Variants in NCKAP5 observed in about 807,000 individuals in gnomAD.
NCKAP5 encodes nck-associated protein 5.
A neutral mutation model predicts 167.0 loss-of-function variants in NCKAP5; 92 were observed. The observed-to-expected ratio is 0.55, with a 90% CI of 0.47 to 0.66. NCKAP5 has a LOEUF of 0.66. NCKAP5 is among the 30% of genes least tolerant of loss of function. The probability of loss-of-function intolerance (pLI) is 0.00; values close to 1 mark genes in which losing one functional copy is unlikely to be tolerated. For missense variants in NCKAP5, 2,378 were observed against 2,315.0 expected, an observed-to-expected ratio of 1.03 and a Z score of -0.56; for synonymous variants, 891 against 877.4, an observed-to-expected ratio of 1.02 and a Z score of -0.27.
At chr2:133,423,015 C>A (rs553111909) in intron 3 of NCKAP5, among the ~76,000 whole-genome samples, 2 of 152,100 alleles carry the variant, frequency 1.3e-5, no homozygotes, top group African/African-American at 4.8e-5. Flanking sequence ...CAAAACACAG[C>A]CTGGGGATCT....
chr2:133,562,893 T>C (rs1688268882), intron 1 of NCKAP5, among the ~76,000 whole-genome samples: 1 of 152,240 alleles, frequency 6.6e-6, no homozygotes, highest in South Asian at 2.1e-4. Context: ...TAATGTTCTA[T>C]GTATCTGAGA....
chr2:133,308,935 C>A (rs1265028824), intron 3 of NCKAP5, among the ~76,000 whole-genome samples: 1 of 150,974 alleles, frequency 6.6e-6, no homozygotes, highest in Admixed American at 6.6e-5. Context: ...TGGTCTCGAT[C>A]TCCTGACCTC....
chr2:132,972,768 C>T (rs1225481473), intron 7 of NCKAP5, among the ~76,000 whole-genome samples: 1 of 150,768 alleles, frequency 6.6e-6, no homozygotes, highest in Non-Finnish European at 1.5e-5. Flanking sequence ...GAGGCTGAGG[C>T]AGGAGAATCA....
rs186373998 is a variant in NCKAP5 at position 132,981,582 on chromosome 2, C to G, written c.429+12570G>C. Among the ~76,000 whole-genome samples the G allele has an allele frequency of 2.6e-4, 40 of 152,274 alleles. No individual in the cohort carries two copies. The East Asian group carries it at 3.1e-3, about 12-fold the overall frequency. On this transcript the variant is annotated intron_variant, in intron 7 of 19. Transcript: ENST00000409261. ...CTTTCCCCCGGTTCACCCAGGGAACCATTAGGAATTAGTCTATTGAATAAG... is the reference window on the plus strand; with the variant it reads ...CTTTCCCCCGGTTCACCCAGGGAACGATTAGGAATTAGTCTATTGAATAAG...
At chr2:133,448,355 C>G (rs933913602) in intron 3 of NCKAP5, among the ~76,000 whole-genome samples, 2 of 152,072 alleles carry the variant, frequency 1.3e-5, no homozygotes, top group African/African-American at 4.8e-5. Context: ...CATGAGGAAG[C>G]TCATGTATTT....
At chr2:133,555,304 C>T (rs1049913397) in intron 2 of NCKAP5, among the ~76,000 whole-genome samples, 23 of 152,212 alleles carry the variant, frequency 1.5e-4, no homozygotes, top group Non-Finnish European at 7.3e-5. Context: ...AGAGTCAGCA[C>T]TGTCTGTGTA....
At chr2:133,196,658 AT>A (rs2085450886) in intron 5 of NCKAP5, among the ~76,000 whole-genome samples, 1 of 152,084 alleles carries the variant, frequency 6.6e-6, no homozygotes, top group African/African-American at 2.4e-5. Flanking sequence ...TGAGCCTACC[AT>A]TTTTCACCGC....
chr2:133,547,617 C>G (rs927908926), intron 2 of NCKAP5, among the ~76,000 whole-genome samples: 61 of 151,568 alleles, frequency 4.0e-4, no homozygotes, highest in Admixed American at 3.1e-3. Context: ...AGCAGGGGCA[C>G]ACTGACACCT....
At chr2:133,235,514 T>A (rs1283553980) in intron 4 of NCKAP5, among the ~76,000 whole-genome samples, 5 of 151,720 alleles carry the variant, frequency 3.3e-5, no homozygotes, top group African/African-American at 1.2e-4. Context: ...AGGCGGTGGA[T>A]CGCTTTGAGC....
intron 3 of NCKAP5, among the ~76,000 whole-genome samples, chr2:133,334,150 C>G (rs1209159512): frequency 6.6e-6 from 1 of 152,156 alleles, no homozygotes; most frequent in Admixed American, 6.5e-5. Context: ...CAAAGCCTGG[C>G]TCTGTGACTT....
the NCKAP5 span, among the ~76,000 whole-genome samples, chr2:133,624,021 T>A: frequency 6.6e-6 from 1 of 152,154 alleles, no homozygotes; most frequent in African/African-American, 2.4e-5. Flanking sequence ...ACCATTAAAG[T>A]AACTCAGAAG....
At position 133,563,711 on chromosome 2, in the gene NCKAP5, T is replaced by C. The variant is rs561265409; in HGVS notation, c.-130+4505A>G. On this transcript the variant is annotated intron_variant, in intron 1 of 19. Coordinates refer to ENST00000409261, the MANE Select transcript of NCKAP5 (RefSeq NM_207363.3). The stretch of plus-strand genomic sequence containing the variant: ...TGCCAGTTTGAATGGGTGGAAGTAT[T>C]AATCTGCTATACTGCTCTGCCAGTG... Among the ~76,000 whole-genome samples, 144 of 152,218 alleles carry C rather than the reference T, an allele frequency of 9.5e-4. 2 individuals are homozygous for C. Among genetic ancestry groups the C allele is most frequent in the Admixed American group, 1.8e-3 (27 of 15,290 alleles).
At chr2:132,996,940 G>C (rs557129339) in intron 6 of NCKAP5, among the ~76,000 whole-genome samples, 26 of 152,288 alleles carry the variant, frequency 1.7e-4, no homozygotes, top group African/African-American at 6.3e-4. Flanking sequence ...TCCAGAACCT[G>C]AACTGGTTAT....
chr2:133,038,776 TA>T (rs907592173), intron 6 of NCKAP5, among the ~76,000 whole-genome samples: 3 of 151,644 alleles, frequency 2.0e-5, no homozygotes, highest in Non-Finnish European at 2.9e-5. Flanking sequence ...CCAGAAAAAT[TA>T]AAAAAAATAA....
the NCKAP5 span, among the ~76,000 whole-genome samples, chr2:133,591,327 C>T: frequency 6.6e-6 from 1 of 152,198 alleles, no homozygotes; most frequent in Admixed American, 6.5e-5. Context: ...AATGTGTTTG[C>T]CAACTGAAGT....
chr2:133,640,887 T>G, the NCKAP5 span, among the ~76,000 whole-genome samples: 1 of 152,232 alleles, frequency 6.6e-6, no homozygotes, highest in African/African-American at 2.4e-5. Context: ...ACTAGGGATG[T>G]GAAGACAGAT....
chr2:133,291,782 C>T (rs903449172), intron 4 of NCKAP5, among the ~76,000 whole-genome samples: 12 of 152,216 alleles, frequency 7.9e-5, no homozygotes, highest in Middle Eastern at 3.2e-3. Context: ...GCATGTTCTC[C>T]GCCCTGAGAT....
intron 2 of NCKAP5, among the ~76,000 whole-genome samples, chr2:133,550,220 A>C (rs1687164453): frequency 7.0e-6 from 1 of 142,952 alleles, no homozygotes; most frequent in South Asian, 2.5e-4. Context: ...CAATAGAAAA[A>C]GAGGGAATCC....
chr2:133,086,968 T>A (rs1217140787), intron 6 of NCKAP5, among the ~76,000 whole-genome samples: 1 of 152,184 alleles, frequency 6.6e-6, no homozygotes, highest in Non-Finnish European at 1.5e-5. Context: ...AGTAAATTTT[T>A]AAAAATCTAG....
Sources: gnomAD v4.1 joint callset for allele counts (sites outside exome capture counted in the v4.1 genomes callset) on GRCh38, gnomAD v4.1.1 for gene constraint, MANE v1.5 for transcripts, NCBI Gene and HGNC (gene_info 2026-07-23, HGNC 2026-07-21) for gene names.